UGT1A7: variants seen among roughly 807,000 people sequenced by gnomAD.
UGT1A7 encodes UDP-glucuronosyltransferase 1A7.
In UGT1A7, 33 loss-of-function variants were observed where a neutral mutation model predicts 45.6. The observed-to-expected ratio is 0.72, with a 90% CI of 0.55 to 0.97. UGT1A7 has a LOEUF of 0.97. UGT1A7 is among the 50% of genes least tolerant of loss of function. The pLI is 0.00. For missense variants in UGT1A7, 684 were observed against 666.2 expected (o/e 1.03, Z -0.29); for synonymous variants, 274 against 250.6 (o/e 1.09, Z -0.88).
At chr2:233,694,512 A>C (rs2075224348) in intron 1 of UGT1A7, among the ~76,000 whole-genome samples, 1 of 152,186 alleles carries the variant, frequency 6.6e-6, no homozygotes, top group African/African-American at 2.4e-5. Context: ...CCCTCCTGAC[A>C]TGTAGGAAAA....
chr2:233,744,539 T>C (rs1692841530), intron 1 of UGT1A7, among the ~76,000 whole-genome samples: 1 of 151,924 alleles, frequency 6.6e-6, no homozygotes, highest in African/African-American at 2.4e-5. Flanking sequence ...TTTATGTAAA[T>C]TTTATTAAGA....
At chr2:233,743,592 G>T (rs370692834) in intron 1 of UGT1A7, 2 of 1,367,196 alleles carry the variant, frequency 1.5e-6, no homozygotes, top group Non-Finnish European at 2.0e-6. Context: ...AAGGAGAATG[G>T]GTCCTGGCCG....
At chr2:233,707,732 A>G (rs1475890268) in intron 1 of UGT1A7, among the ~76,000 whole-genome samples, 1 of 152,222 alleles carries the variant, frequency 6.6e-6, no homozygotes, top group East Asian at 1.9e-4. Flanking sequence ...GTTACAACGA[A>G]CATTCTTTTA....
chr2:233,713,091 G>C lies in UGT1A7; in HGVS notation c.855+30299G>C, dbSNP rs200372008. ...GGCTGAGAGTGGGAAGGTGCTGGTGGTGCCCACTGATGGCAGCCACTGGCT... is the reference window on the plus strand; with the variant it reads ...GGCTGAGAGTGGGAAGGTGCTGGTGCTGCCCACTGATGGCAGCCACTGGCT... On this transcript the variant is annotated intron_variant, in intron 1 of 4. Transcript: ENST00000373426. The C allele has an allele frequency of 3.7e-6, 6 of 1,614,180 alleles. No individual in the cohort carries two copies. The Admixed American group carries it at 1.0e-4, about 27-fold the overall frequency.
chr2:233,689,992 C>T (rs1466782471), intron 1 of UGT1A7: 1 of 449,922 alleles, frequency 2.2e-6, no homozygotes, highest in Admixed American at 2.4e-5. Context: ...AAAAGGGATT[C>T]TCACTTCATC....
chr2:233,699,808 C>A (rs2075525104), intron 1 of UGT1A7, among the ~76,000 whole-genome samples: 1 of 152,210 alleles, frequency 6.6e-6, no homozygotes, highest in Admixed American at 6.5e-5. Flanking sequence ...CTGGAGTCAT[C>A]TAAATAGTAG....
rs769331263 is a variant in UGT1A7 at position 233,772,705 on chromosome 2, C to A, written c.*146C>A. 6.8e-7 allele frequency: 1 copy of A among 1,474,690 alleles called. No homozygotes were observed. The highest frequency in any genetic ancestry group is 2.5e-5 in the East Asian group (1 of 40,596). The allele number at this position is 1,474,690 out of a possible 1,614,324, so 91.4% of individuals were successfully genotyped here. On this transcript the variant is annotated 3_prime_UTR_variant, in exon 5 of 5. Coordinates refer to ENST00000373426, the MANE Select transcript of UGT1A7 (RefSeq NM_019077.3). Reference sequence around the variant, plus strand: ...CAGCCCCAGAGTGCTTTAAAAAATTCTCTTAAATAAAAATAATAGACTCGC... The same window carrying A: ...CAGCCCCAGAGTGCTTTAAAAAATTATCTTAAATAAAAATAATAGACTCGC...
chr2:233,722,246 G>C (rs1029128389), intron 1 of UGT1A7, among the ~76,000 whole-genome samples: 4 of 152,178 alleles, frequency 2.6e-5, no homozygotes, highest in Non-Finnish European at 4.4e-5. Context: ...TATTATCTGT[G>C]ACAGACACGC....
At chr2:233,748,600 T>C (rs1186894741) in intron 1 of UGT1A7, among the ~76,000 whole-genome samples, 2 of 151,760 alleles carry the variant, frequency 1.3e-5, no homozygotes, top group African/African-American at 4.9e-5. Flanking sequence ...TCAGTGGAAG[T>C]AGAGCAACGA....
intron 1 of UGT1A7, among the ~76,000 whole-genome samples, chr2:233,722,230 A>G (rs868083923): frequency 2.0e-5 from 3 of 152,346 alleles, no homozygotes; most frequent in Middle Eastern, 3.4e-3. Context: ...CAAAATCTTT[A>G]TCATGTATTA....
rs556044106 is a variant in UGT1A7, at chr2:233,743,839, C to T, written c.856-23195C>T. ...TTTTGTCGGGGTGCCACTTGAGCGC[C>T]AGCTTGCGGTACGCCTTCTTGATGG... On this transcript the variant is annotated intron_variant, in intron 1 of 4. Coordinates refer to ENST00000373426, the MANE Select transcript of UGT1A7 (RefSeq NM_019077.3). 3 of 1,367,286 alleles carry T rather than the reference C, an allele frequency of 2.2e-6. No individual in the cohort carries two copies. In the South Asian group the frequency reaches 3.4e-5, roughly 16 times the overall value. 84.7% of individuals were successfully genotyped at this position (1,367,286 alleles called of 1,614,324 possible).
At chr2:233,748,180 G>A in intron 1 of UGT1A7, 2 of 1,578,368 alleles carry the variant, frequency 1.3e-6, no homozygotes, top group South Asian at 2.4e-5. Flanking sequence ...TCTTTCTGGT[G>A]CTTTTATTTC....
chr2:233,728,302 T>C (rs2077696881), intron 1 of UGT1A7, among the ~76,000 whole-genome samples: 1 of 152,178 alleles, frequency 6.6e-6, no homozygotes, highest in Non-Finnish European at 1.5e-5. Context: ...ATTCAGACTG[T>C]GCAAGATCTG....
intron 1 of UGT1A7, among the ~76,000 whole-genome samples, chr2:233,763,590 A>G (rs772976697): frequency 6.6e-6 from 1 of 152,156 alleles, no homozygotes; most frequent in Non-Finnish European, 1.5e-5. Flanking sequence ...TTCCTTTGTT[A>G]ACTAAAAATG....
chr2:233,734,221 A>G (rs1167860302), intron 1 of UGT1A7, among the ~76,000 whole-genome samples: 2 of 152,172 alleles, frequency 1.3e-5, no homozygotes, highest in Non-Finnish European at 2.9e-5. Flanking sequence ...TGGTCTATTC[A>G]GAGATTCAAC....
intron 1 of UGT1A7, among the ~76,000 whole-genome samples, chr2:233,720,072 T>C (rs1018749083): frequency 5.9e-5 from 9 of 152,264 alleles, no homozygotes; most frequent in African/African-American, 9.6e-5. Flanking sequence ...TAAATTAGAA[T>C]TGTGGACATG....
chr2:233,737,953 A>T (rs1429614905), intron 1 of UGT1A7, among the ~76,000 whole-genome samples: 2 of 152,112 alleles, frequency 1.3e-5, no homozygotes, highest in Non-Finnish European at 2.9e-5. Context: ...GTTTCCCAAC[A>T]TGAGGTCACA....
At chr2:233,747,632 C>T in intron 1 of UGT1A7, 1 of 1,580,404 alleles carries the variant, frequency 6.3e-7, no homozygotes, top group Non-Finnish European at 8.7e-7. Flanking sequence ...TGATCAGGCA[C>T]CTGAATGCTA....
At chr2:233,760,285 G>C (rs376515645) in intron 1 of UGT1A7, 1 of 1,612,934 alleles carries the variant, frequency 6.2e-7, no homozygotes, top group East Asian at 2.2e-5. Flanking sequence ...GAGCAAAGGC[G>C]CCATGGCTGT....
Sources: gnomAD v4.1 joint callset for allele counts (sites outside exome capture counted in the v4.1 genomes callset) on GRCh38, gnomAD v4.1.1 for gene constraint, MANE v1.5 for transcripts, NCBI Gene and HGNC (gene_info 2026-07-23, HGNC 2026-07-21) for gene names.